Variants in MLXIP observed in about 807,000 individuals in gnomAD.
The protein encoded by MLXIP is MLX-interacting protein.
Under a neutral mutation model 87.2 loss-of-function variants are expected in MLXIP, and 30 were observed. The observed-to-expected ratio is 0.34, with a 90% confidence interval of 0.26 to 0.47. The LOEUF is 0.47. MLXIP is among the 20% of genes least tolerant of loss of function. The probability of loss-of-function intolerance (pLI) is 1.00; values close to 1 mark genes in which losing one functional copy is unlikely to be tolerated. For missense variants in MLXIP, 1,002 were observed against 1,240.1 expected, an observed-to-expected ratio of 0.81 and a Z score of 2.88; for synonymous variants, 530 against 514.0, an observed-to-expected ratio of 1.03 and a Z score of -0.42.
rs950718397 is a variant in MLXIP at position 122,078,913 on chromosome 12, G to T, written c.60G>T (p.Val20=). 3.5e-6 allele frequency: 4 copies of T among 1,144,796 alleles called. No homozygotes were observed. The highest frequency in any genetic ancestry group is 4.3e-6 in the Non-Finnish European group (4 of 927,288). The allele number at this position is 1,144,796 out of a possible 1,614,324, so 70.9% of individuals were successfully genotyped here. A position where few individuals can be genotyped will look rare whatever the true frequency, so the allele number is the denominator to read the frequency against. The change falls in exon 1 of 17, where the codon GTG becomes GTT. Residue 20 remains valine (V), a synonymous_variant. Transcript: ENST00000319080. ...PRRPRSRGRQ[V]LLKPQVSEDD... Reference sequence around the variant, plus strand: ...GGCCTCGCAGCCGGGGCCGCCAGGTGCTGCTCAAGCCCCAGGTGTCCGAGG... The same window carrying T: ...GGCCTCGCAGCCGGGGCCGCCAGGTTCTGCTCAAGCCCCAGGTGTCCGAGG...
At chr12:122,096,642 G>A (rs540521452) in intron 1 of MLXIP, among the ~76,000 whole-genome samples, 9 of 152,352 alleles carry the variant, frequency 5.9e-5, no homozygotes, top group African/African-American at 2.2e-4. Flanking sequence ...AAGCTCCTGC[G>A]CTTTCACATT....
chr12:122,101,364 G>T (rs1952433273), intron 1 of MLXIP, among the ~76,000 whole-genome samples: 1 of 150,548 alleles, frequency 6.6e-6, no homozygotes. Context: ...CTGTGCCCAT[G>T]TAGGTAAAAA....
At chr12:122,093,152 C>T (rs1048696299) in intron 1 of MLXIP, among the ~76,000 whole-genome samples, 9 of 122,026 alleles carry the variant, frequency 7.4e-5, no homozygotes, top group East Asian at 2.6e-4. Context: ...TGTGTGTTGG[C>T]GTGTAGGGTA....
intron 1 of MLXIP, among the ~76,000 whole-genome samples, chr12:122,126,509 A>G (rs1216123559): frequency 6.6e-6 from 1 of 152,112 alleles, no homozygotes; most frequent in South Asian, 2.1e-4. Context: ...AGTGAGGACC[A>G]TGTCAGAGGC....
rs1157801772 is a variant in MLXIP at position 122,140,997 on chromosome 12, T to C, written c.2552T>C (p.Met851Thr). Reference sequence around the variant, plus strand: ...CCGCTGTTTGAGTCGTTCAAGGGCATGGTGTCCACCAGCAGCCTGGAGGAG... The same window carrying C: ...CCGCTGTTTGAGTCGTTCAAGGGCACGGTGTCCACCAGCAGCCTGGAGGAG... The part of the protein sequence containing the change: ...IKPLFESFKG[M>T]VSTSSLEELH... The change falls in exon 16 of 17, where the codon ATG (methionine) becomes ACG (threonine). Residue 851 changes from methionine (M) to threonine (T), a missense_variant. By Grantham distance (81) the Met-to-Thr change is moderately conservative (BLOSUM62 -1). Coordinates refer to ENST00000319080, the MANE Select transcript of MLXIP (RefSeq NM_014938.6). 1 of 1,613,918 alleles carries C rather than the reference T, an allele frequency of 6.2e-7. No homozygotes were observed. Among genetic ancestry groups the C allele is most frequent in the Non-Finnish European group, 8.5e-7 (1 of 1,179,922 alleles).
rs1953291250 is a variant in MLXIP at position 122,145,810 on chromosome 12, A to G, written c.*3998A>G. On this transcript the variant is annotated 3_prime_UTR_variant, in exon 17 of 17. Coordinates refer to ENST00000319080, the MANE Select transcript of MLXIP (RefSeq NM_014938.6). The stretch of plus-strand genomic sequence containing the variant: ...TGTGGGCCTGGTTATGCACTGGCAG[A>G]TGGACCTTGCTTTGGTCCAGCTCTT... The G allele has an allele frequency of 6.6e-6, 1 of 152,396 alleles. No homozygotes were observed. Among genetic ancestry groups the G allele is most frequent in the Admixed American group, 6.5e-5 (1 of 15,288 alleles). 9.4% of individuals were successfully genotyped at this position (152,396 alleles called of 1,614,324 possible). A position where few individuals can be genotyped will look rare whatever the true frequency, so the allele number is the denominator to read the frequency against.
chr12:122,117,317 A>T (rs536198906), intron 1 of MLXIP, among the ~76,000 whole-genome samples: 115 of 152,336 alleles, frequency 7.5e-4, no homozygotes, highest in Non-Finnish European at 1.4e-3. Context: ...AGGTGGCCCG[A>T]CATGCACACT....
At chr12:122,122,992 C>T (rs1952809443) in intron 1 of MLXIP, among the ~76,000 whole-genome samples, 3 of 152,194 alleles carry the variant, frequency 2.0e-5, no homozygotes, top group Non-Finnish European at 2.9e-5. Context: ...GCACCTGGCC[C>T]ATTGTGGGAC....
In MLXIP at chr12:122,078,906, G is replaced by C. The variant is rs1336476548; in HGVS notation, c.53G>C (p.Arg18Pro). The stretch of plus-strand genomic sequence containing the variant: ...CCGCGCCGGCCTCGCAGCCGGGGCC[G>C]CCAGGTGCTGCTCAAGCCCCAGGTG... ...CSPRRPRSRG[R>P]QVLLKPQVSE... Residue 18 changes from arginine to proline, a missense_variant, in exon 1 of 17, where the codon CGC becomes CCC. Physicochemically the swap from Arg to Pro is moderately radical, Grantham distance 103 (BLOSUM62 -2). Transcript: ENST00000319080. 1.7e-5 allele frequency: 20 copies of C among 1,144,538 alleles called. No homozygotes were observed. Among genetic ancestry groups the C allele is most frequent in the Non-Finnish European group, 2.0e-5 (19 of 926,952 alleles). The allele number at this position is 1,144,538 out of a possible 1,614,324, so 70.9% of individuals were successfully genotyped here. A position where few individuals can be genotyped will look rare whatever the true frequency, so the allele number is the denominator to read the frequency against.
chr12:122,132,697 C>G (rs1347567844), intron 8 of MLXIP: 1 of 304,426 alleles, frequency 3.3e-6, no homozygotes, highest in Non-Finnish European at 6.0e-6. Context: ...ACATGGATTA[C>G]TAATAAAAAT....
chr12:122,108,600 C>T (rs181090399), intron 1 of MLXIP, among the ~76,000 whole-genome samples: 2 of 152,178 alleles, frequency 1.3e-5, no homozygotes, highest in African/African-American at 2.4e-5. Flanking sequence ...TCTAAATGCA[C>T]GCTGGCCCCC....
At chr12:122,128,725 A>G (rs958191592) in intron 3 of MLXIP, 1 of 175,380 alleles carries the variant, frequency 5.7e-6, no homozygotes, top group Non-Finnish European at 1.2e-5. Flanking sequence ...TGGAGGGCAC[A>G]TTCCACCTGA....
At position 122,144,745 on chromosome 12, in the gene MLXIP, C is replaced by T. The variant is rs1953270066; in HGVS notation, c.*2933C>T. ...TACTAAAAATACAAAACATTAGCCA[C>T]GTGTGGTGGTACACGCCTGTAATCC... is the stretch of plus-strand genomic sequence containing the variant. On this transcript the variant is annotated 3_prime_UTR_variant, in exon 17 of 17. Transcript: ENST00000319080. 6.6e-6 allele frequency: 1 copy of T among 151,922 alleles called. No individual in the cohort carries two copies. Among genetic ancestry groups the T allele is most frequent in the Non-Finnish European group, 1.5e-5 (1 of 68,006 alleles). The allele number at this position is 151,922 out of a possible 1,614,324, so 9.4% of individuals were successfully genotyped here. A position where few individuals can be genotyped will look rare whatever the true frequency, so the allele number is the denominator to read the frequency against.
chr12:122,086,016 CAAAG>C (rs1459399554), intron 1 of MLXIP, among the ~76,000 whole-genome samples: 3 of 152,060 alleles, frequency 2.0e-5, no homozygotes, highest in African/African-American at 7.2e-5. Context: ...AAGAGGGAAT[CAAAG>C]AGAGAACCAG....
At chr12:122,094,982 G>T (rs1264164616) in intron 1 of MLXIP, among the ~76,000 whole-genome samples, 4 of 136,910 alleles carry the variant, frequency 2.9e-5, no homozygotes, top group Non-Finnish European at 4.8e-5. Flanking sequence ...TGGGGTGTGG[G>T]GGTATGTGTG....
chr12:122,106,168 G>A (rs1952516742), intron 1 of MLXIP, among the ~76,000 whole-genome samples: 1 of 152,202 alleles, frequency 6.6e-6, no homozygotes, highest in Non-Finnish European at 1.5e-5. Flanking sequence ...GAGAAGGGAG[G>A]GAAGAGCATG....
At position 122,132,263 on chromosome 12, in the gene MLXIP, C is replaced by T. The variant is rs749758618; in HGVS notation, c.1001-29C>T. On this transcript the variant is annotated intron_variant, in intron 7 of 16. Transcript: ENST00000319080. ...TCCAGCAAATGCTGGGCACACTGAG[C>T]TCAGAAGACCCCTGCTGTTGTTTTT... The T allele has an allele frequency of 1.2e-5, 18 of 1,553,488 alleles. No homozygotes were observed. The Admixed American group carries it at 3.0e-4, about 26-fold the overall frequency.
At chr12:122,121,010 G>GTTTTTTTTGTTTTTTTTTTTTTT (rs1952771936) in intron 1 of MLXIP, among the ~76,000 whole-genome samples, 1 of 111,910 alleles carries the variant, frequency 8.9e-6, no homozygotes, top group Non-Finnish European at 1.7e-5. Context: ...TGCATGCTTG[G>GTTTTTTTTGTTTTTTTTTTTTTT]TTTTTTTTTT....
intron 1 of MLXIP, among the ~76,000 whole-genome samples, chr12:122,116,260 T>C (rs933080621): frequency 2.7e-5 from 4 of 150,540 alleles, no homozygotes; most frequent in African/African-American, 9.8e-5. Context: ...TTCCTGAGAG[T>C]CTATAATTAC....
Sources: gnomAD v4.1 joint callset for allele counts (sites outside exome capture counted in the v4.1 genomes callset) on GRCh38, gnomAD v4.1.1 for gene constraint, MANE v1.5 for transcripts, NCBI Gene and HGNC (gene_info 2026-07-23, HGNC 2026-07-21) for gene names.